Variants in WDR35 observed in about 807,000 individuals in gnomAD.
WDR35 encodes the protein WD repeat domain 35.
WDR35 carries 118 observed loss-of-function variants against 158.3 expected under a neutral mutation model. The ratio of observed to expected loss-of-function variants is 0.75; its 90% CI spans 0.64 to 0.87. The LOEUF (loss-of-function observed/expected upper bound fraction) is 0.87. Among genes scored for constraint, WDR35 ranks in the 40% least tolerant of loss-of-function variants. The pLI is 0.00. For missense variants in WDR35, 1,263 were observed against 1,405.8 expected (o/e 0.90, Z 1.62); for synonymous variants, 448 against 476.1 (o/e 0.94, Z 0.77).
intron 10 of WDR35, 81 bp from the exon 11 acceptor site, chr2:19,960,695 A>C: frequency 9.1e-7 from 1 of 1,103,810 alleles, no homozygotes; most frequent in Admixed American, 2.0e-5. Context: ...TATCATGCTT[A>C]TCTCTTTTTC....
At chr2:19,960,762 CAAAA>C in intron 10 of WDR35, 148 bp from the exon 11 acceptor site, 1 of 636,806 alleles carries the variant, frequency 1.6e-6, no homozygotes, top group South Asian at 1.9e-5. Flanking sequence ...AAATAGCAGA[CAAAA>C]AGAAAGATGA....
intron 25 of WDR35, among the ~76,000 whole-genome samples, chr2:19,925,843 C>A (rs574395230): frequency 5.3e-5 from 8 of 152,086 alleles, no homozygotes; most frequent in Non-Finnish European, 1.2e-4. Flanking sequence ...TTGGAAGAAC[C>A]GCTTCAAGTG....
chr2:19,969,584 G>T lies in WDR35; in HGVS notation c.904C>A (p.Pro302Thr). 6.2e-7 allele frequency: 1 copy of T among 1,613,628 alleles called. No homozygotes were observed. Among genetic ancestry groups the T allele is most frequent in the East Asian group, 2.2e-5 (1 of 44,814 alleles). Residue 302 changes from proline (P) to threonine (T), a missense_variant, in exon 9 of 27, where the codon CCT becomes ACT. Physicochemically the swap from Pro to Thr is conservative, Grantham distance 38. Transcript: ENST00000281405. ...GATAGTGCAGATATTTCCTTTCCAG[G>T]AACTTTCAAAGTACCCAGATGCTGA... ...FGEHLGTLKV[P>T]GKEISALSWE...
chr2:19,938,525 A>G, intron 17 of WDR35, 124 bp from the exon 18 acceptor site: 1 of 1,253,588 alleles, frequency 8.0e-7, no homozygotes. Context: ...TGTGAGCAAA[A>G]TAAGGAAGAG....
intron 3 of WDR35, 139 bp downstream of exon 3, chr2:19,982,324 A>G (rs1672406411): frequency 1.2e-6 from 1 of 831,756 alleles, no homozygotes; most frequent in Non-Finnish European, 2.0e-6. Flanking sequence ...ATTGGAACAT[A>G]TCCCCATCGT....
At chr2:19,958,992 TTTTA>T (rs1307672284) in intron 11 of WDR35, among the ~76,000 whole-genome samples, 1 of 152,142 alleles carries the variant, frequency 6.6e-6, no homozygotes, top group East Asian at 1.9e-4. Flanking sequence ...CACAGACTTT[TTTTA>T]TTTTAGCCTC....
intron 6 of WDR35, 78 bp from the exon 7 acceptor site, chr2:19,974,711 T>C (rs941962339): frequency 2.1e-5 from 29 of 1,365,248 alleles, no homozygotes; most frequent in Non-Finnish European, 2.5e-5. Flanking sequence ...TAGAGTATTG[T>C]AGAAAGAACA....
chr2:19,953,865 T>C lies in WDR35; in HGVS notation c.1369A>G (p.Ile457Val). ...KKLTALEINQ[I>V]TRSRKEGRER... ...CTCCCTTCTTTTCGAGACCGTGTGA[T>C]CTGATTAATTTCCAATGCTGTGAGC... The change falls in exon 12 of 27, where the codon ATC becomes GTC. Residue 457 changes from isoleucine to valine, a missense_variant. Ile to Val is a conservative substitution (Grantham distance 29). Coordinates refer to ENST00000281405, the MANE Select transcript of WDR35 (RefSeq NM_020779.4). 1 of 1,614,144 alleles carries C rather than the reference T, an allele frequency of 6.2e-7. No individual in the cohort carries two copies. Among genetic ancestry groups the C allele is most frequent in the Non-Finnish European group, 8.5e-7 (1 of 1,180,020 alleles).
At chr2:19,962,221 T>TTTA in intron 10 of WDR35, 3 of 1,530,918 alleles carry the variant, frequency 2.0e-6, no homozygotes, top group Non-Finnish European at 2.7e-6. Flanking sequence ...TTGCTACAGT[T>TTTA]TCTGATCAGC....
intron 10 of WDR35, among the ~76,000 whole-genome samples, chr2:19,960,901 A>G (rs1224416907): frequency 6.6e-6 from 1 of 152,214 alleles, no homozygotes; most frequent in African/African-American, 2.4e-5. Flanking sequence ...ACTTTTCATC[A>G]TTTATACAAG....
intron 22 of WDR35, 146 bp downstream of exon 22, chr2:19,933,255 G>C (rs978598059): frequency 2.8e-6 from 2 of 711,410 alleles, no homozygotes; most frequent in Admixed American, 4.3e-5. Flanking sequence ...ATACCCGCCT[G>C]GCTCCTTTCA....
At chr2:19,923,273 G>A (rs963999742) in intron 25 of WDR35, among the ~76,000 whole-genome samples, 14 of 152,146 alleles carry the variant, frequency 9.2e-5, no homozygotes, top group Non-Finnish European at 1.3e-4. Context: ...GGCATCCACC[G>A]TGGGGGCTTG....
intron 4 of WDR35, among the ~76,000 whole-genome samples, chr2:19,980,490 T>C (rs1672350246): frequency 1.3e-5 from 2 of 152,200 alleles, no homozygotes; most frequent in South Asian, 4.1e-4. Context: ...CCTAATTCAC[T>C]TTCTTAATAA....
chr2:19,983,194 T>C (rs1672444092), intron 2 of WDR35, among the ~76,000 whole-genome samples: 1 of 152,180 alleles, frequency 6.6e-6, no homozygotes, highest in African/African-American at 2.4e-5. Flanking sequence ...AGAACTGATA[T>C]TTAAGCTGAG....
At position 19,948,111 on chromosome 2, in the gene WDR35, T is replaced by C. The variant is rs371883905; in HGVS notation, c.1524+53A>G. The C allele has an allele frequency of 6.2e-6, 9 of 1,446,910 alleles. No individual in the cohort carries two copies. The African/African-American group carries it at 1.1e-4, about 18-fold the overall frequency. 89.6% of individuals were successfully genotyped at this position (1,446,910 alleles called of 1,614,324 possible). A position where few individuals can be genotyped will look rare whatever the true frequency, so the allele number is the denominator to read the frequency against. On this transcript the variant is annotated intron_variant, in intron 14 of 26. Transcript: ENST00000281405. ...GGGCACACACCTGGCTCCTACCATA[T>C]TTTTATAATTTAAAGAATTATTATT...
intron 5 of WDR35, among the ~76,000 whole-genome samples, chr2:19,976,427 A>G (rs1180156076): frequency 6.6e-6 from 1 of 152,130 alleles, no homozygotes; most frequent in East Asian, 1.9e-4. Context: ...TGCCTACAAC[A>G]TACACTATTT....
intron 11 of WDR35, among the ~76,000 whole-genome samples, chr2:19,958,607 A>AAAAT (rs1671526730): frequency 6.6e-6 from 1 of 152,240 alleles, no homozygotes; most frequent in Admixed American, 6.5e-5. Context: ...TACATGATAG[A>AAAAT]AAATAAATAA....
At chr2:19,929,379 G>A (rs1048557545) in intron 25 of WDR35, among the ~76,000 whole-genome samples, 1 of 152,202 alleles carries the variant, frequency 6.6e-6, no homozygotes, top group African/African-American at 2.4e-5. Flanking sequence ...ATTAGAGTGT[G>A]ATGTGCATAT....
chr2:19,982,502 T>A lies in WDR35; in HGVS notation c.175A>T (p.Ser59Cys). ...DAKLRGLAAP[S>C]NLSMNQTLEG... ...AGAGTCTGATTCATAGAAAGGTTAC[T>A]GGGGGCTGCAAGGCCCCTCAATTTT... The change falls in exon 3 of 27, where the codon AGT becomes TGT. Residue 59 changes from serine to cysteine, a missense_variant. By Grantham distance (112) the Ser-to-Cys change is moderately radical. Coordinates refer to ENST00000281405, the MANE Select transcript of WDR35 (RefSeq NM_020779.4). The A allele has an allele frequency of 6.2e-7, 1 of 1,613,936 alleles. No homozygotes were observed. Among genetic ancestry groups the A allele is most frequent in the Non-Finnish European group, 8.5e-7 (1 of 1,179,904 alleles).
Sources: allele counts gnomAD v4.1 joint callset (sites outside exome capture counted in the v4.1 genomes callset), GRCh38; gene constraint gnomAD v4.1.1; transcripts MANE v1.5; gene names NCBI Gene and HGNC (gene_info 2026-07-23, HGNC 2026-07-21).